Variants in RAPGEF2 observed in about 807,000 individuals in gnomAD.
RAPGEF2 encodes the protein PDZ domain containing guanine nucleotide exchange factor (GEF) 1.
A neutral mutation model predicts 186.7 loss-of-function variants in RAPGEF2; 54 were observed. The ratio of observed to expected loss-of-function variants is 0.29; its 90% CI spans 0.23 to 0.36. The LOEUF (loss-of-function observed/expected upper bound fraction) is 0.36, where lower values mean the gene tolerates loss of function less well. Ranked by LOEUF, RAPGEF2 falls within the 10% of genes least tolerant of loss-of-function variation. The pLI is 1.00. For missense variants in RAPGEF2, 1,532 were observed against 2,045.0 expected (o/e 0.75, Z 4.84); for synonymous variants, 712 against 705.9 (o/e 1.01, Z -0.14).
chr4:159,132,605 T>C (rs185306871), intron 1 of RAPGEF2, among the ~76,000 whole-genome samples: 1 of 152,190 alleles, frequency 6.6e-6, no homozygotes, highest in African/African-American at 2.4e-5. Flanking sequence ...ACTTTTCTCA[T>C]TTATGCCTCC....
intron 9 of RAPGEF2, among the ~76,000 whole-genome samples, chr4:159,316,911 A>C (rs1764673893): frequency 1.3e-5 from 2 of 152,146 alleles, no homozygotes; most frequent in African/African-American, 4.8e-5. Flanking sequence ...GAACACTGGA[A>C]ATGAGAGCAA....
intron 1 of RAPGEF2, among the ~76,000 whole-genome samples, chr4:159,140,882 A>G (rs941180179): frequency 6.6e-6 from 1 of 150,898 alleles, no homozygotes; most frequent in Admixed American, 6.6e-5. Flanking sequence ...CCCAGGCTGG[A>G]GTGTAGTGGC....
At chr4:159,174,916 C>T (rs1192008608) in intron 1 of RAPGEF2, among the ~76,000 whole-genome samples, 1 of 152,138 alleles carries the variant, frequency 6.6e-6, no homozygotes, top group Non-Finnish European at 1.5e-5. Flanking sequence ...GTCACCACAC[C>T]TGGCTAATTT....
At chr4:159,294,634 T>TTCCTTCCTTCCTTCCTTC (rs1554029084) in intron 7 of RAPGEF2, among the ~76,000 whole-genome samples, 1,595 of 133,094 alleles carry the variant, frequency 0.012, 48 homozygotes, top group Middle Eastern at 0.015. Context: ...AGCTTCCATT[T>TTCCTTCCTTCCTTCCTTC]CTTCCTTCCT....
intron 3 of RAPGEF2, among the ~76,000 whole-genome samples, chr4:159,209,263 TG>T (rs1330545674): frequency 6.7e-6 from 1 of 148,426 alleles, no homozygotes; most frequent in African/African-American, 2.5e-5. Flanking sequence ...TTAAAAGTTA[TG>T]AAGTGATTTT....
rs527930315 is a variant in RAPGEF2, at chr4:159,192,975, C to T, written c.141-225C>T. On this transcript the variant is annotated intron_variant, in intron 2 of 29. Transcript: ENST00000691494. ...CATAAAATAAACATGGTGAAGTTGA[C>T]ATCTTACTAGATATTTTCTTTTCTA... Among the ~76,000 whole-genome samples, 39 of 152,270 alleles carry T rather than the reference C, an allele frequency of 2.6e-4. No individual in the cohort carries two copies. The South Asian group carries it at 6.6e-3, about 26-fold the overall frequency.
At chr4:159,357,806 A>T (rs1561352497) in intron 29 of RAPGEF2, among the ~76,000 whole-genome samples, 3 of 152,160 alleles carry the variant, frequency 2.0e-5, no homozygotes, top group African/African-American at 7.2e-5. Context: ...CTGATCGTAT[A>T]TTTTTTTTAA....
At chr4:159,235,087 C>G (rs566832809) in intron 4 of RAPGEF2, among the ~76,000 whole-genome samples, 2 of 152,290 alleles carry the variant, frequency 1.3e-5, no homozygotes, top group African/African-American at 4.8e-5. Flanking sequence ...ATCTATACAT[C>G]TGGTCTTTTG....
intron 3 of RAPGEF2, among the ~76,000 whole-genome samples, chr4:159,198,286 CTT>C (rs143268612): frequency 0.098 from 1,968 of 20,042 alleles, 139 homozygotes; most frequent in African/African-American, 0.27. Flanking sequence ...TTCTTTCTTT[CTT>C]TCTTTCTTTC....
At chr4:159,350,043 T>A (rs1232401249) in intron 25 of RAPGEF2, 94 bp from the exon 26 acceptor site, 2 of 793,276 alleles carry the variant, frequency 2.5e-6, no homozygotes, top group African/African-American at 3.5e-5. Flanking sequence ...TGTAATGATA[T>A]TAAATCTTAA....
At chr4:159,347,513 G>C (rs1456008606) in intron 25 of RAPGEF2, among the ~76,000 whole-genome samples, 1 of 152,230 alleles carries the variant, frequency 6.6e-6, no homozygotes, top group Non-Finnish European at 1.5e-5. Flanking sequence ...AGCCAGGCAC[G>C]GTGGCTCACG....
At chr4:159,171,960 T>A (rs1374019912) in intron 1 of RAPGEF2, among the ~76,000 whole-genome samples, 1 of 151,988 alleles carries the variant, frequency 6.6e-6, no homozygotes, top group Admixed American at 6.6e-5. Context: ...ACATTTCTTC[T>A]GTTAAGGATA....
At chr4:159,205,010 A>T (rs1342766544) in intron 3 of RAPGEF2, among the ~76,000 whole-genome samples, 3 of 151,862 alleles carry the variant, frequency 2.0e-5, no homozygotes, top group Non-Finnish European at 2.9e-5. Flanking sequence ...TCATAATTTT[A>T]AAAAAAAATT....
intron 7 of RAPGEF2, among the ~76,000 whole-genome samples, chr4:159,301,859 T>C (rs1380031694): frequency 6.6e-6 from 1 of 152,104 alleles, no homozygotes; most frequent in East Asian, 1.9e-4. Context: ...ACCCTGTCTT[T>C]AAAATAAAAA....
chr4:159,214,858 A>T (rs1750852570), intron 4 of RAPGEF2, among the ~76,000 whole-genome samples: 1 of 152,142 alleles, frequency 6.6e-6, no homozygotes, highest in Non-Finnish European at 1.5e-5. Flanking sequence ...AACAGTATAC[A>T]ATTTTTATTT....
At chr4:159,178,601 A>G (rs1319036354) in intron 1 of RAPGEF2, among the ~76,000 whole-genome samples, 8 of 114,686 alleles carry the variant, frequency 7.0e-5, no homozygotes, top group Non-Finnish European at 1.3e-4. Context: ...TCTGTCACCC[A>G]GGCTTGAGTG....
chr4:159,139,038 T>C (rs965748601), intron 1 of RAPGEF2, among the ~76,000 whole-genome samples: 1 of 152,204 alleles, frequency 6.6e-6, no homozygotes, highest in Non-Finnish European at 1.5e-5. Flanking sequence ...TGGGTGAATA[T>C]GGCATAAGTC....
chr4:159,352,668 T>C lies in RAPGEF2; in HGVS notation c.3866-17T>C. 1 of 1,579,722 alleles carries C rather than the reference T, an allele frequency of 6.3e-7. No individual in the cohort carries two copies. Among genetic ancestry groups the C allele is most frequent in the Non-Finnish European group, 8.7e-7 (1 of 1,148,862 alleles). On this transcript the variant is annotated splice_polypyrimidine_tract_variant and intron_variant, in intron 26 of 29. Coordinates refer to ENST00000691494, the MANE Select transcript of RAPGEF2 (RefSeq NM_001394067.2). ...AACCTAGAGAGTCTAATTAATACGG[T>C]TGTATTTCTCATGCAGGCTATACTT...
chr4:159,317,138 C>G (rs1387673189), intron 9 of RAPGEF2, among the ~76,000 whole-genome samples: 1 of 151,976 alleles, frequency 6.6e-6, no homozygotes, highest in Non-Finnish European at 1.5e-5. Flanking sequence ...GAAAAACTTT[C>G]ACCATTTCAG....
Sources: allele counts gnomAD v4.1 joint callset (sites outside exome capture counted in the v4.1 genomes callset), GRCh38; gene constraint gnomAD v4.1.1; transcripts MANE v1.5; gene names NCBI Gene and HGNC (gene_info 2026-07-23, HGNC 2026-07-21).